The following SMIM13 variants were observed in gnomAD, a reference collection of about 807,000 sequenced individuals.
SMIM13 encodes UPF0766 protein C6orf228.
In SMIM13, 3 loss-of-function variants were observed where a neutral mutation model predicts 5.9. The ratio of observed to expected loss-of-function variants is 0.51; its 90% CI spans 0.23 to 1.31. The LOEUF is 1.31. Ranked by LOEUF, SMIM13 falls within the 40% of genes most tolerant of loss-of-function variation. The pLI is 0.18. For synonymous variants in SMIM13, 55 were observed against 46.0 expected (o/e 1.19, Z -0.79); for missense variants, 85 against 109.9 (o/e 0.77, Z 1.01).
intron 1 of SMIM13, among the ~76,000 whole-genome samples, chr6:11,122,306 A>T (rs969130980): frequency 3.3e-5 from 5 of 152,238 alleles, no homozygotes; most frequent in Non-Finnish European, 7.3e-5. Context: ...TGATAATCAC[A>T]TACCTTTAAC....
chr6:11,128,721 T>C (rs1758410498), intron 1 of SMIM13, among the ~76,000 whole-genome samples: 1 of 152,214 alleles, frequency 6.6e-6, no homozygotes, highest in Admixed American at 6.5e-5. Context: ...GGGTGGGCAA[T>C]TTCCCTATGG....
At chr6:11,123,034 C>A (rs962442230) in intron 1 of SMIM13, among the ~76,000 whole-genome samples, 1 of 152,080 alleles carries the variant, frequency 6.6e-6, no homozygotes, top group Non-Finnish European at 1.5e-5. Flanking sequence ...AAAGCAAGAC[C>A]CTATCTCTAC....
At chr6:11,133,085 T>A (rs1758471464) in intron 1 of SMIM13, among the ~76,000 whole-genome samples, 1 of 152,184 alleles carries the variant, frequency 6.6e-6, no homozygotes, top group Non-Finnish European at 1.5e-5. Flanking sequence ...TATAGCTTTG[T>A]GAATATTCTG....
At chr6:11,130,254 A>T (rs1412919741) in intron 1 of SMIM13, among the ~76,000 whole-genome samples, 1 of 48,856 alleles carries the variant, frequency 2.0e-5, no homozygotes, top group African/African-American at 1.1e-4. Context: ...TAGTCATTGT[A>T]AAAAAAAAAA....
intron 1 of SMIM13, among the ~76,000 whole-genome samples, chr6:11,132,505 C>G (rs2113670392): frequency 1.3e-5 from 2 of 152,158 alleles, no homozygotes; most frequent in African/African-American, 4.8e-5. Flanking sequence ...TTATAATAGC[C>G]AAAAGTAGAA....
chr6:11,128,295 G>C (rs1758404599), intron 1 of SMIM13, among the ~76,000 whole-genome samples: 1 of 152,118 alleles, frequency 6.6e-6, no homozygotes, highest in Admixed American at 6.5e-5. Context: ...TCTGGCCCAG[G>C]GTGTATCTGG....
In SMIM13 at chr6:11,135,980, T is replaced by TAA. The variant is rs1334593289; in HGVS notation, c.*1379_*1380insAA. On this transcript the variant is annotated 3_prime_UTR_variant, in exon 2 of 2. Coordinates refer to ENST00000416247, the MANE Select transcript of SMIM13 (RefSeq NM_001135575.2). ...TATTGGGGAATTTGATTCTGACTCT[T>TAA]ACAATGTTAAACTTGTAATCCTGTG... 2.6e-5 allele frequency: 4 copies of TAA among 152,206 alleles called. No homozygotes were observed. Among genetic ancestry groups the TAA allele is most frequent in the Non-Finnish European group, 1.5e-5 (1 of 68,032 alleles). 9.4% of individuals were successfully genotyped at this position (152,206 alleles called of 1,614,324 possible).
Position 11,094,394 on chromosome 6 carries a change from G to GT in SMIM13, c.76+6dup. 2.0e-6 allele frequency: 3 copies of GT among 1,534,728 alleles called. No homozygotes were observed. Among genetic ancestry groups the GT allele is most frequent in the Non-Finnish European group, 1.8e-6 (2 of 1,142,290 alleles). ...TCCTGCTGCTGATGGTGTGCGGTGA[G>GT]TGGGGGCGGTAGCCGCGAGGCAGTT... On this transcript the variant is annotated splice_donor_region_variant and intron_variant, in intron 1 of 1. Transcript: ENST00000416247.
intron 1 of SMIM13, 46 bp from the exon 2 acceptor site, chr6:11,134,357 C>T (rs950210029): frequency 7.1e-7 from 1 of 1,405,112 alleles, no homozygotes; most frequent in African/African-American, 1.4e-5. Context: ...GAATTGATAA[C>T]ATTGTGTGTA....
intron 1 of SMIM13, among the ~76,000 whole-genome samples, chr6:11,110,710 C>T (rs1758154148): frequency 6.6e-6 from 1 of 152,152 alleles, no homozygotes; most frequent in African/African-American, 2.4e-5. Flanking sequence ...CATGGAAAGC[C>T]TTCATATGTT....
intron 1 of SMIM13, chr6:11,103,774 A>G (rs1335364355): frequency 6.4e-7 from 1 of 1,551,672 alleles, no homozygotes; most frequent in Admixed American, 2.0e-5. Context: ...TGAAGGCGAG[A>G]GGAGACAAAT....
intron 1 of SMIM13, among the ~76,000 whole-genome samples, chr6:11,121,070 T>C (rs187989110): frequency 1.6e-4 from 25 of 152,322 alleles, no homozygotes; most frequent in African/African-American, 5.8e-4. Flanking sequence ...CAGAAGTGAG[T>C]GCTCTTTTGC....
Position 11,134,681 on chromosome 6 carries a change from T to A in SMIM13, c.*79T>A. On this transcript the variant is annotated 3_prime_UTR_variant, in exon 2 of 2. Coordinates refer to ENST00000416247, the MANE Select transcript of SMIM13 (RefSeq NM_001135575.2). ...CTTCGCTTTGAAATTTACTAATGAC[T>A]GAAGAACATTTGTATTGGATTTTAA... The A allele has an allele frequency of 2.9e-6, 3 of 1,043,682 alleles. No homozygotes were observed. The highest frequency in any genetic ancestry group is 3.9e-6 in the Non-Finnish European group (3 of 767,728). The allele number at this position is 1,043,682 out of a possible 1,614,324, so 64.7% of individuals were successfully genotyped here. A position where few individuals can be genotyped will look rare whatever the true frequency, so the allele number is the denominator to read the frequency against.
chr6:11,125,076 G>A (rs992672090), intron 1 of SMIM13, among the ~76,000 whole-genome samples: 2 of 151,950 alleles, frequency 1.3e-5, no homozygotes, highest in Admixed American at 1.3e-4. Flanking sequence ...TCAGGAGTTC[G>A]AGACCAGCCT....
chr6:11,111,966 C>CT (rs891438522), intron 1 of SMIM13, among the ~76,000 whole-genome samples: 10 of 152,116 alleles, frequency 6.6e-5, no homozygotes, highest in African/African-American at 2.4e-4. Context: ...TGTCATTTTG[C>CT]TTCTTAGTGC....
intron 1 of SMIM13, among the ~76,000 whole-genome samples, chr6:11,098,342 G>A (rs1757950658): frequency 6.6e-6 from 1 of 152,224 alleles, no homozygotes; most frequent in Admixed American, 6.5e-5. Context: ...TACCCAGCCT[G>A]TGGTGGTCGC....
At chr6:11,121,408 G>C (rs183834833) in intron 1 of SMIM13, among the ~76,000 whole-genome samples, 52 of 152,288 alleles carry the variant, frequency 3.4e-4, no homozygotes, top group Admixed American at 3.3e-3. Flanking sequence ...GGTGCAATGG[G>C]TAAGTCTTTT....
At chr6:11,128,323 T>C (rs1301825965) in intron 1 of SMIM13, among the ~76,000 whole-genome samples, 1 of 152,112 alleles carries the variant, frequency 6.6e-6, no homozygotes, top group East Asian at 1.9e-4. Flanking sequence ...AGCTGGGAGC[T>C]AGGGCCTGGA....
intron 1 of SMIM13, among the ~76,000 whole-genome samples, chr6:11,120,665 T>C (rs911245062): frequency 6.6e-6 from 1 of 152,214 alleles, no homozygotes; most frequent in African/African-American, 2.4e-5. Flanking sequence ...TGTGTTTCAG[T>C]CATACTGTCA....
Sources: allele counts gnomAD v4.1 joint callset (sites outside exome capture counted in the v4.1 genomes callset), GRCh38; gene constraint gnomAD v4.1.1; transcripts MANE v1.5; gene names NCBI Gene and HGNC (gene_info 2026-07-23, HGNC 2026-07-21).